MARCHF1: variants seen among roughly 807,000 people sequenced by gnomAD.
MARCHF1 encodes membrane associated ring-CH-type finger 1, also known as E3 ubiquitin-protein ligase MARCHF1.
A neutral mutation model predicts 54.2 loss-of-function variants in MARCHF1; 40 were observed. The ratio of observed to expected loss-of-function variants is 0.74; its 90% CI spans 0.57 to 0.96. MARCHF1 has a LOEUF of 0.96. Among genes scored for constraint, MARCHF1 ranks in the 40% least tolerant of loss-of-function variants. MARCHF1 has a pLI of 0.00. For missense variants in MARCHF1, 586 were observed against 656.5 expected (o/e 0.89, Z 1.17); for synonymous variants, 236 against 236.3 (o/e 1.00, Z 0.01).
intron 3 of MARCHF1, among the ~76,000 whole-genome samples, chr4:163,909,762 T>C (rs1258920373): frequency 6.6e-6 from 1 of 152,190 alleles, no homozygotes; most frequent in African/African-American, 2.4e-5. Context: ...CTTAAATTGC[T>C]TGAGTTCATA....
intron 5 of MARCHF1, among the ~76,000 whole-genome samples, chr4:163,669,849 C>A (rs1182454613): frequency 6.6e-6 from 1 of 152,110 alleles, no homozygotes; most frequent in Admixed American, 6.5e-5. Context: ...CTGCCCACCT[C>A]GGCCTCCCAA....
chr4:163,732,841 C>G (rs913697151), intron 4 of MARCHF1, among the ~76,000 whole-genome samples: 2 of 152,016 alleles, frequency 1.3e-5, no homozygotes, highest in Non-Finnish European at 2.9e-5. Context: ...TCACCCCCAG[C>G]AGACTTACAC....
intron 1 of MARCHF1, among the ~76,000 whole-genome samples, chr4:164,139,075 A>G (rs1485822947): frequency 1.3e-5 from 2 of 152,238 alleles, no homozygotes; most frequent in Non-Finnish European, 2.9e-5. Context: ...CATGAAACAT[A>G]AGAGTTCTGT....
chr4:163,833,070 T>C (rs1386359197), intron 4 of MARCHF1, among the ~76,000 whole-genome samples: 1 of 152,048 alleles, frequency 6.6e-6, no homozygotes, highest in African/African-American at 2.4e-5. Flanking sequence ...TGTGTCTTCA[T>C]AGCAGCATGA....
At chr4:164,360,030 C>T (rs578023563) in intron 1 of MARCHF1, among the ~76,000 whole-genome samples, 78 of 152,148 alleles carry the variant, frequency 5.1e-4, no homozygotes, top group African/African-American at 1.8e-3. Flanking sequence ...GAACACTCCG[C>T]GCAATCAGTA....
chr4:164,372,494 A>G (rs1412599011), intron 1 of MARCHF1, among the ~76,000 whole-genome samples: 2 of 152,168 alleles, frequency 1.3e-5, no homozygotes, highest in Non-Finnish European at 2.9e-5. Flanking sequence ...AGAGAATTGA[A>G]GGGGAGCATC....
At chr4:164,056,329 A>C (rs922049535) in intron 2 of MARCHF1, among the ~76,000 whole-genome samples, 1 of 152,190 alleles carries the variant, frequency 6.6e-6, no homozygotes, top group African/African-American at 2.4e-5. Flanking sequence ...TGGAGGTATA[A>C]AAATATTCCA....
At chr4:164,144,323 A>G (rs897224207) in intron 1 of MARCHF1, among the ~76,000 whole-genome samples, 47 of 151,992 alleles carry the variant, frequency 3.1e-4, no homozygotes, top group African/African-American at 4.8e-4. Context: ...AAGGGGACCT[A>G]ATAGACATCT....
chr4:164,333,490 T>A (rs1729629847), intron 1 of MARCHF1, among the ~76,000 whole-genome samples: 1 of 152,186 alleles, frequency 6.6e-6, no homozygotes, highest in Non-Finnish European at 1.5e-5. Flanking sequence ...GATCTGTGTC[T>A]AGAAATTTTT....
intron 5 of MARCHF1, among the ~76,000 whole-genome samples, chr4:163,643,397 A>G (rs1742635600): frequency 1.4e-5 from 2 of 146,106 alleles, no homozygotes; most frequent in Non-Finnish European, 3.1e-5. Flanking sequence ...CTAGTCTCAA[A>G]TTCCTGGCTT....
chr4:163,822,645 T>C (rs1748727320), intron 4 of MARCHF1, among the ~76,000 whole-genome samples: 1 of 151,930 alleles, frequency 6.6e-6, no homozygotes, highest in Admixed American at 6.6e-5. Flanking sequence ...TATTTTAGGG[T>C]AATGTAATAA....
chr4:163,934,461 AG>A (rs755251283), intron 3 of MARCHF1, among the ~76,000 whole-genome samples: 5 of 151,012 alleles, frequency 3.3e-5, no homozygotes, highest in Non-Finnish European at 5.9e-5. Context: ...CAGGAGGCTG[AG>A]GTGGGAGGAC....
chr4:163,771,454 G>A (rs551910676), intron 4 of MARCHF1, among the ~76,000 whole-genome samples: 1 of 152,312 alleles, frequency 6.6e-6, no homozygotes, highest in African/African-American at 2.4e-5. Context: ...GCTGGAAAGT[G>A]CAAGATTGGT....
intron 1 of MARCHF1, among the ~76,000 whole-genome samples, chr4:164,257,823 G>A (rs1733335999): frequency 6.6e-6 from 1 of 152,094 alleles, no homozygotes; most frequent in South Asian, 2.1e-4. Context: ...CAAAATATTA[G>A]TGGGGCATGG....
intron 1 of MARCHF1, among the ~76,000 whole-genome samples, chr4:164,112,235 T>G (rs944948148): frequency 1.3e-5 from 2 of 151,918 alleles, no homozygotes; most frequent in African/African-American, 4.8e-5. Context: ...ACAAGCCATG[T>G]ACTTCACTAC....
At position 164,009,273 on chromosome 4, in the gene MARCHF1, C is replaced by A. The variant is rs2110937897; in HGVS notation, c.-247-20564G>T. Among the ~76,000 whole-genome samples the A allele has an allele frequency of 1.3e-5, 2 of 152,082 alleles. 1 individual carries two copies. The highest frequency in any genetic ancestry group is 4.1e-4 in the South Asian group (2 of 4,824). ...GAAAAAAGAGAAAACCTCAAAAAATCAATTAAGAAATAATCAAATTGAGCC... is the reference window on the plus strand; with the variant it reads ...GAAAAAAGAGAAAACCTCAAAAAATAAATTAAGAAATAATCAAATTGAGCC... On this transcript the variant is annotated intron_variant, in intron 2 of 9. Transcript: ENST00000514618.
chr4:163,984,545 C>G (rs1752824617), intron 3 of MARCHF1, among the ~76,000 whole-genome samples: 1 of 152,166 alleles, frequency 6.6e-6, no homozygotes, highest in Non-Finnish European at 1.5e-5. Flanking sequence ...TCTACACTTA[C>G]CACTCATAGA....
intron 2 of MARCHF1, among the ~76,000 whole-genome samples, chr4:164,021,892 T>G (rs1357062298): frequency 1.3e-5 from 2 of 150,310 alleles, no homozygotes; most frequent in African/African-American, 4.9e-5. Context: ...TATGGTCCAT[T>G]TTTAGTTAGC....
At chr4:163,932,207 T>C (rs12650525) in intron 3 of MARCHF1, among the ~76,000 whole-genome samples, 3,114 of 152,330 alleles carry the variant, frequency 0.02, 151 homozygotes, top group East Asian at 0.19. Context: ...TTGATGGCTG[T>C]TGACTGACCA....
Sources: allele counts gnomAD v4.1 joint callset (sites outside exome capture counted in the v4.1 genomes callset), GRCh38; gene constraint gnomAD v4.1.1; transcripts MANE v1.5; gene names NCBI Gene and HGNC (gene_info 2026-07-23, HGNC 2026-07-21).